Variants in APBA1 observed in about 807,000 individuals in gnomAD.
The protein encoded by APBA1 is amyloid beta precursor protein binding family A member 1, also known as amyloid-beta A4 precursor protein-binding family A member 1.
Under a neutral mutation model 86.6 loss-of-function variants are expected in APBA1, and 55 were observed. That is an observed-to-expected ratio of 0.64 (90% CI 0.51 to 0.80). APBA1 has a LOEUF of 0.80. Ranked by LOEUF, APBA1 falls within the 30% of genes least tolerant of loss-of-function variation. APBA1 has a pLI of 0.00. For synonymous variants in APBA1, 511 were observed against 493.9 expected, an observed-to-expected ratio of 1.03 and a Z score of -0.46; for missense variants, 1,090 against 1,183.0, an observed-to-expected ratio of 0.92 and a Z score of 1.15.
At chr9:69,483,141 AAAC>A (rs1351251832) in intron 2 of APBA1, among the ~76,000 whole-genome samples, 8 of 150,450 alleles carry the variant, frequency 5.3e-5, no homozygotes, top group Non-Finnish European at 1.2e-4. Context: ...TAAGTCAAAA[AAAC>A]AAAAAAACGA....
At chr9:69,452,080 C>CA in intron 9 of APBA1, 42 bp downstream of exon 9, 1 of 1,594,804 alleles carries the variant, frequency 6.3e-7, no homozygotes, top group Non-Finnish European at 8.6e-7. Flanking sequence ...AGCCCCTGCC[C>CA]AGCTGACCCA....
intron 1 of APBA1, among the ~76,000 whole-genome samples, chr9:69,651,189 A>T (rs1823491823): frequency 6.6e-6 from 1 of 152,226 alleles, no homozygotes; most frequent in Non-Finnish European, 1.5e-5. Context: ...GGTTCTCTTT[A>T]TATGAAGTTT....
At chr9:69,545,101 T>C (rs988305917) in intron 1 of APBA1, among the ~76,000 whole-genome samples, 1 of 152,248 alleles carries the variant, frequency 6.6e-6, no homozygotes, top group Non-Finnish European at 1.5e-5. Context: ...CTACAGAAAT[T>C]TAGAAATGGG....
chr9:69,512,655 T>C (rs544408837), intron 2 of APBA1, among the ~76,000 whole-genome samples: 41 of 152,318 alleles, frequency 2.7e-4, no homozygotes, highest in Middle Eastern at 6.8e-3. Context: ...AGCACTTACA[T>C]GGGGAAAGTG....
chr9:69,501,629 AACACAC>A (rs57033911), intron 2 of APBA1, among the ~76,000 whole-genome samples: 4,914 of 142,078 alleles, frequency 0.035, 117 homozygotes, highest in South Asian at 0.046. Context: ...GTCTCTACAA[AACACAC>A]ACACACACAC....
Position 69,597,547 on chromosome 9 carries a change from C to T in APBA1, c.-70+74606G>A, listed in dbSNP as rs1010734711. 4.8e-3 allele frequency among the ~76,000 whole-genome samples: 724 copies of T among 152,192 alleles called. 3 individuals carry two copies. Among genetic ancestry groups the T allele is most frequent in the African/African-American group, 0.017 (685 of 41,512 alleles). On this transcript the variant is annotated intron_variant, in intron 1 of 12. Transcript: ENST00000265381. ...TCCCATTTGTCAATTTTGGCTTTTGCTGCCATTGCTTTTGGTGTTTTAGAC... is the reference window on the plus strand; with the variant it reads ...TCCCATTTGTCAATTTTGGCTTTTGTTGCCATTGCTTTTGGTGTTTTAGAC...
chr9:69,471,510 A>G (rs1835366592), intron 4 of APBA1, 146 bp downstream of exon 4: 1 of 700,196 alleles, frequency 1.4e-6, no homozygotes. Context: ...CTTTGAGTCT[A>G]AGATCCTAAG....
chr9:69,554,516 C>A (rs1836832586), intron 1 of APBA1, among the ~76,000 whole-genome samples: 1 of 152,106 alleles, frequency 6.6e-6, no homozygotes, highest in South Asian at 2.1e-4. Flanking sequence ...GAACTGCAAA[C>A]CTCTAATATC....
In APBA1 at chr9:69,581,691, C is replaced by T. The variant is rs545285336; in HGVS notation, c.-69-64412G>A. Among the ~76,000 whole-genome samples the T allele has an allele frequency of 2.0e-5, 3 of 152,202 alleles. No individual in the cohort carries two copies. In the South Asian group the frequency reaches 6.2e-4, roughly 32 times the overall value. On this transcript the variant is annotated intron_variant, in intron 1 of 12. Transcript: ENST00000265381. ...CACTGACAATGCCCTAGGGAATAAG[C>T]GGGGCATGGGGGAAGGACTATTGCA...
intron 1 of APBA1, among the ~76,000 whole-genome samples, chr9:69,626,951 A>G (rs950809995): frequency 3.3e-5 from 5 of 151,992 alleles, no homozygotes; most frequent in Non-Finnish European, 7.4e-5. Context: ...TTTAAATAAT[A>G]CCTTTACTTT....
At chr9:69,575,479 A>C (rs969549980) in intron 1 of APBA1, among the ~76,000 whole-genome samples, 8 of 152,184 alleles carry the variant, frequency 5.3e-5, no homozygotes, top group African/African-American at 1.7e-4. Flanking sequence ...ACAGTAACCA[A>C]AACAGCATGG....
At chr9:69,431,536 AG>A (rs1222078707) in intron 12 of APBA1, 138 bp from the exon 13 acceptor site, 8 of 689,246 alleles carry the variant, frequency 1.2e-5, no homozygotes, top group Non-Finnish European at 1.9e-5. Flanking sequence ...AGCCACCACC[AG>A]GGACCTGACC....
chr9:69,496,735 G>T (rs143482691), intron 2 of APBA1, among the ~76,000 whole-genome samples: 2 of 151,888 alleles, frequency 1.3e-5, no homozygotes, highest in African/African-American at 4.8e-5. Context: ...ACTTTCTTCC[G>T]TCTATTAATT....
chr9:69,458,235 T>C (rs1297070037), intron 5 of APBA1, 47 bp from the exon 6 acceptor site: 1 of 1,561,464 alleles, frequency 6.4e-7, no homozygotes, highest in Non-Finnish European at 8.7e-7. Flanking sequence ...TTAGAAAGAA[T>C]GTGTAGAGAC....
chr9:69,443,312 C>T (rs184657621), intron 10 of APBA1, among the ~76,000 whole-genome samples: 1 of 152,330 alleles, frequency 6.6e-6, no homozygotes, highest in African/African-American at 2.4e-5. Context: ...TACTGCAGAA[C>T]AATGAATGAC....
chr9:69,476,974 G>T (rs1835458515), intron 2 of APBA1, among the ~76,000 whole-genome samples: 1 of 152,212 alleles, frequency 6.6e-6, no homozygotes, highest in Non-Finnish European at 1.5e-5. Flanking sequence ...AGCAAGCACA[G>T]GGATGGGACT....
intron 2 of APBA1, among the ~76,000 whole-genome samples, chr9:69,489,067 A>G (rs1181550466): frequency 6.6e-6 from 1 of 152,136 alleles, no homozygotes; most frequent in African/African-American, 2.4e-5. Flanking sequence ...AAGGTAATTT[A>G]TAGATTCAAT....
intron 1 of APBA1, among the ~76,000 whole-genome samples, chr9:69,567,804 G>A (rs1012536346): frequency 6.6e-6 from 1 of 152,084 alleles, no homozygotes; most frequent in Admixed American, 6.6e-5. Flanking sequence ...CATCCTGTGG[G>A]GGACTCCCCT....
intron 1 of APBA1, among the ~76,000 whole-genome samples, chr9:69,606,479 C>CAT (rs1822474660): frequency 5.9e-5 from 3 of 50,874 alleles, no homozygotes; most frequent in Non-Finnish European, 1.1e-4. Context: ...AGGGAGCTAG[C>CAT]TTTTTTTTTT....
Sources: allele counts gnomAD v4.1 joint callset (sites outside exome capture counted in the v4.1 genomes callset), GRCh38; gene constraint gnomAD v4.1.1; transcripts MANE v1.5; gene names NCBI Gene and HGNC (gene_info 2026-07-23, HGNC 2026-07-21).